The following CYSLTR1 variants were observed in gnomAD, a reference collection of about 807,000 sequenced individuals.
CYSLTR1 encodes G-protein coupled receptor HG55.
A neutral mutation model predicts 2.1 loss-of-function variants in CYSLTR1; 1 was observed. The ratio of observed to expected loss-of-function variants is 0.48; its 90% CI spans 0.17 to 2.28. The LOEUF (loss-of-function observed/expected upper bound fraction) is 2.28, where lower values mean the gene tolerates loss of function less well. Ranked by LOEUF, CYSLTR1 falls within the 30% of genes most tolerant of loss-of-function variation. The probability of loss-of-function intolerance (pLI) is 0.26; values close to 1 mark genes in which losing one functional copy is unlikely to be tolerated. For synonymous variants in CYSLTR1, 110 were observed against 89.6 expected, an observed-to-expected ratio of 1.23 and a Z score of -1.28; for missense variants, 299 against 250.1, an observed-to-expected ratio of 1.20 and a Z score of -1.32.
At chrX:78,274,574 T>C (rs1921485645) in intron 2 of CYSLTR1, among the ~76,000 whole-genome samples, 1 of 111,544 alleles carries the variant, frequency 9.0e-6, no homozygotes, top group South Asian at 3.7e-4. Flanking sequence ...ATATAAAAAG[T>C]AATTCAAGAT....
In CYSLTR1 at chrX:78,272,984, T is replaced by C. The variant is rs1921346770; in HGVS notation, c.763A>G (p.Ile255Val). The change falls in exon 3 of 3, where the codon ATT (isoleucine) becomes GTT (valine). Residue 255 changes from isoleucine to valine, a missense_variant. Transcript: ENST00000373304. ...TCATTGTGTAAAAAATGAAGGTGAA[T>C]GGTACGTTGAATATGATATGGCATG... ...SFMPYHIQRT[I>V]HLHFLHNETK... 8.3e-7 allele frequency: 1 copy of C among 1,211,355 alleles called. No homozygotes were observed. The highest frequency in any genetic ancestry group is 1.8e-5 in the South Asian group (1 of 56,974).
intron 1 of CYSLTR1, chrX:78,319,870 T>A (rs1421316717): frequency 8.9e-6 from 1 of 112,292 alleles, no homozygotes; most frequent in East Asian, 2.8e-4. Context: ...CCAGTGATGA[T>A]GAGCATTTTT....
At chrX:78,282,833 G>A (rs1305885450) in intron 2 of CYSLTR1, among the ~76,000 whole-genome samples, 1 of 112,080 alleles carries the variant, frequency 8.9e-6, no homozygotes, top group Non-Finnish European at 1.9e-5. Flanking sequence ...TTTGAAAGAT[G>A]CTAAATAAAA....
At chrX:78,280,503 T>C (rs1271009937) in intron 2 of CYSLTR1, among the ~76,000 whole-genome samples, 1 of 101,679 alleles carries the variant, frequency 9.8e-6, no homozygotes, top group Non-Finnish European at 2.0e-5. Flanking sequence ...TTACCTCATA[T>C]ACCATTTGTG....
In CYSLTR1 at chrX:78,273,594, G is replaced by A. The variant is rs140861092; in HGVS notation, c.153C>T (p.Thr51=). Residue 51 remains threonine (T), a synonymous_variant, in exon 3 of 3, where the codon ACC becomes ACT. Transcript: ENST00000373304. ...CTTGGAAGGCTGACTTCTTGTGATA[G>A]GTTTTTATGAGGACATAGAGCACAA... The part of the protein sequence containing the change: ...NGFVLYVLIK[T]YHKKSAFQVY... 14 of 1,209,683 alleles carry A rather than the reference G, an allele frequency of 1.2e-5. No individual in the cohort carries two copies. The African/African-American group carries it at 2.5e-4, about 21-fold the overall frequency.
At chrX:78,292,286 A>G in intron 1 of CYSLTR1, among the ~76,000 whole-genome samples, 1 of 112,020 alleles carries the variant, frequency 8.9e-6, no homozygotes, top group Non-Finnish European at 1.9e-5. Flanking sequence ...GTTTTGAGTG[A>G]GTTTCTTAAT....
At chrX:78,323,193 T>C (rs1923732646) in intron 1 of CYSLTR1, among the ~76,000 whole-genome samples, 1 of 111,612 alleles carries the variant, frequency 9.0e-6, no homozygotes, top group Non-Finnish European at 1.9e-5. Flanking sequence ...TGTAAAGCAC[T>C]AAGTAGAGGG....
chrX:78,279,281 A>G (rs1921733533), intron 2 of CYSLTR1, among the ~76,000 whole-genome samples: 1 of 111,725 alleles, frequency 9.0e-6, no homozygotes, highest in African/African-American at 3.3e-5. Context: ...CTGTTAAAAA[A>G]ATGGGCAATG....
chrX:78,304,263 G>T (rs1359997674), intron 1 of CYSLTR1, among the ~76,000 whole-genome samples: 1 of 111,844 alleles, frequency 8.9e-6, no homozygotes, highest in African/African-American at 3.2e-5. Flanking sequence ...TACAAGTTAT[G>T]CCATCTCTGG....
chrX:78,288,814 C>G (rs1487815435), intron 1 of CYSLTR1, among the ~76,000 whole-genome samples: 1 of 111,371 alleles, frequency 9.0e-6, no homozygotes. Context: ...TTCATTCTCT[C>G]TAACTAATGT....
chrX:78,278,027 T>C (rs1243496308), intron 2 of CYSLTR1, among the ~76,000 whole-genome samples: 1 of 111,964 alleles, frequency 8.9e-6, no homozygotes, highest in Non-Finnish European at 1.9e-5. Context: ...AGCTCATGAA[T>C]CCAATAAAAT....
intron 1 of CYSLTR1, among the ~76,000 whole-genome samples, chrX:78,291,622 T>G (rs1377741953): frequency 9.0e-6 from 1 of 111,221 alleles, no homozygotes; most frequent in Admixed American, 9.6e-5. Context: ...GGCTATTAAT[T>G]ATTGCCTCAA....
At chrX:78,291,359 C>T (rs748376986) in intron 1 of CYSLTR1, among the ~76,000 whole-genome samples, 1 of 111,480 alleles carries the variant, frequency 9.0e-6, no homozygotes, top group African/African-American at 3.3e-5. Flanking sequence ...TTTAGTTTGC[C>T]AGTATTTTAT....
intron 1 of CYSLTR1, among the ~76,000 whole-genome samples, chrX:78,284,602 T>C (rs1170642522): frequency 9.1e-6 from 1 of 109,382 alleles, no homozygotes; most frequent in Non-Finnish European, 1.9e-5. Context: ...GGTTTCACCA[T>C]GTTGGCCAGG....
At chrX:78,314,638 C>T (rs1241272512) in intron 1 of CYSLTR1, among the ~76,000 whole-genome samples, 2 of 110,987 alleles carry the variant, frequency 1.8e-5, no homozygotes, top group African/African-American at 6.6e-5. Flanking sequence ...AATTGTGAGG[C>T]ATTGAACTCA....
chrX:78,275,786 A>G (rs758286824), intron 2 of CYSLTR1, among the ~76,000 whole-genome samples: 17 of 111,654 alleles, frequency 1.5e-4, no homozygotes, highest in African/African-American at 5.2e-4. Flanking sequence ...CTTCCTTGGT[A>G]ATATCTGTTG....
intron 1 of CYSLTR1, among the ~76,000 whole-genome samples, chrX:78,308,015 G>A (rs1923089295): frequency 1.8e-5 from 2 of 110,234 alleles, no homozygotes; most frequent in Non-Finnish European, 3.8e-5. Context: ...CCAAGGTAAA[G>A]GGAGGTTTTT....
intron 1 of CYSLTR1, among the ~76,000 whole-genome samples, chrX:78,285,492 T>C (rs1922030723): frequency 9.0e-6 from 1 of 110,770 alleles, no homozygotes; most frequent in Non-Finnish European, 1.9e-5. Context: ...GTGCAGAAAA[T>C]TAACTTGGCT....
chrX:78,292,749 T>C (rs1026399910), intron 1 of CYSLTR1, among the ~76,000 whole-genome samples: 3 of 111,165 alleles, frequency 2.7e-5, no homozygotes, highest in African/African-American at 9.8e-5. Context: ...TTTTGATCTT[T>C]GTTGGTTTAA....
Sources: gnomAD v4.1 joint callset for allele counts (sites outside exome capture counted in the v4.1 genomes callset) on GRCh38, gnomAD v4.1.1 for gene constraint, MANE v1.5 for transcripts, NCBI Gene and HGNC (gene_info 2026-07-23, HGNC 2026-07-21) for gene names.